The following COA1 variants were observed in gnomAD, a reference collection of about 807,000 sequenced individuals.
The protein encoded by COA1 is cytochrome c oxidase assembly factor 1 homolog.
Under a neutral mutation model 16.0 loss-of-function variants are expected in COA1, and 13 were observed. That is an observed-to-expected ratio of 0.81 (90% confidence interval 0.53 to 1.29). The LOEUF is 1.29. Among genes scored for constraint, COA1 ranks in the 50% most tolerant of loss-of-function variants. The probability of loss-of-function intolerance (pLI) is 0.00; values close to 1 mark genes in which losing one functional copy is unlikely to be tolerated. For synonymous variants in COA1, 65 were observed against 65.7 expected, an observed-to-expected ratio of 0.99 and a Z score of 0.05; for missense variants, 179 against 177.0, an observed-to-expected ratio of 1.01 and a Z score of -0.06.
At chr7:43,666,554 A>G (rs759256697) in intron 1 of COA1, among the ~76,000 whole-genome samples, 1 of 152,242 alleles carries the variant, frequency 6.6e-6, no homozygotes, top group Non-Finnish European at 1.5e-5. Context: ...AAGCACTTAA[A>G]TATTTTTTAG....
At chr7:43,650,689 C>T (rs1187817506) in intron 1 of COA1, 1 of 151,966 alleles carries the variant, frequency 6.6e-6, no homozygotes, top group Non-Finnish European at 1.5e-5. Flanking sequence ...GAGATTCTCT[C>T]GAGTGACTCG....
intron 4 of COA1, among the ~76,000 whole-genome samples, chr7:43,644,761 G>GATAGATGGATAGATAGATAGATA (rs59592633): frequency 1.1e-5 from 1 of 90,134 alleles, no homozygotes; most frequent in Non-Finnish European, 2.4e-5. Flanking sequence ...TAGATAGATA[G>GATAGATGGATAGATAGATAGATA]GCAGGCAGGC....
At chr7:43,625,567 C>CA (rs1563173425) in intron 6 of COA1, 1 of 152,274 alleles carries the variant, frequency 6.6e-6, no homozygotes, top group African/African-American at 2.4e-5. Flanking sequence ...ACACCACACT[C>CA]ACATGCATCT....
At chr7:43,716,410 T>C (rs1212438902) in intron 1 of COA1, among the ~76,000 whole-genome samples, 1 of 152,218 alleles carries the variant, frequency 6.6e-6, no homozygotes, top group Non-Finnish European at 1.5e-5. Context: ...TGTTATGTTT[T>C]AGCAAGAGAC....
intron 6 of COA1, chr7:43,609,766 C>A (rs1351333222): frequency 6.6e-6 from 1 of 152,224 alleles, no homozygotes; most frequent in South Asian, 2.1e-4. Context: ...AGGATGGTAA[C>A]CTGAGAAGGC....
chr7:43,614,245 C>G (rs1350874654), intron 6 of COA1, among the ~76,000 whole-genome samples: 1 of 152,140 alleles, frequency 6.6e-6, no homozygotes, highest in Non-Finnish European at 1.5e-5. Flanking sequence ...AAAAGACTTC[C>G]CTACAGCCAC....
intron 1 of COA1, among the ~76,000 whole-genome samples, chr7:43,689,112 C>G (rs1437949701): frequency 6.6e-6 from 1 of 152,176 alleles, no homozygotes; most frequent in African/African-American, 2.4e-5. Context: ...ATTCACACAA[C>G]CATCACCTTT....
intron 1 of COA1, among the ~76,000 whole-genome samples, chr7:43,713,159 C>T (rs890240540): frequency 6.6e-6 from 1 of 152,070 alleles, no homozygotes; most frequent in African/African-American, 2.4e-5. Context: ...GCCATGTTGC[C>T]CAGGCTGATC....
chr7:43,644,759 TAGGCAGGCAGGC>T (rs141430575), intron 4 of COA1, among the ~76,000 whole-genome samples: 7 of 114,612 alleles, frequency 6.1e-5, no homozygotes, highest in South Asian at 2.7e-4. Flanking sequence ...GATAGATAGA[TAGGCAGGCAGGC>T]AGGCAGGCAG....
chr7:43,646,180 T>A (rs2089253194), intron 3 of COA1: 2 of 172,144 alleles, frequency 1.2e-5, no homozygotes, highest in South Asian at 1.2e-4. Flanking sequence ...GACCTGACCC[T>A]GGAGAGGCCA....
chr7:43,719,865 A>G (rs2095471386), intron 1 of COA1, among the ~76,000 whole-genome samples: 1 of 152,220 alleles, frequency 6.6e-6, no homozygotes, highest in Non-Finnish European at 1.5e-5. Context: ...CACAGTGAAC[A>G]AGGGGAAACT....
chr7:43,611,618 G>A (rs953865421), intron 6 of COA1, among the ~76,000 whole-genome samples: 19 of 152,148 alleles, frequency 1.2e-4, no homozygotes, highest in South Asian at 4.1e-4. Flanking sequence ...TGCTTCCCTC[G>A]GGAACATTTA....
intron 2 of COA1, 47 bp downstream of exon 2, chr7:43,648,553 C>A (rs2090071080): frequency 6.2e-6 from 10 of 1,603,004 alleles, no homozygotes; most frequent in Non-Finnish European, 7.7e-6. Flanking sequence ...CTCGAGAATA[C>A]CCTGGCAGGT....
At chr7:43,693,615 A>G (rs2094441444) in intron 1 of COA1, among the ~76,000 whole-genome samples, 1 of 152,108 alleles carries the variant, frequency 6.6e-6, no homozygotes, top group Non-Finnish European at 1.5e-5. Context: ...CATAATTTTT[A>G]AAGTTCCATA....
intron 1 of COA1, among the ~76,000 whole-genome samples, chr7:43,684,159 T>G (rs1399337095): frequency 1.3e-5 from 2 of 152,148 alleles, no homozygotes; most frequent in African/African-American, 2.4e-5. Flanking sequence ...GGGATGGTTT[T>G]GGGATAAAAC....
chr7:43,644,799 C>CAGAGAGAGAGAGAGAGAGAGAG (rs10627279), intron 4 of COA1, among the ~76,000 whole-genome samples: 31 of 75,374 alleles, frequency 4.1e-4, no homozygotes, highest in Admixed American at 1.4e-3. Context: ...GGCAGAGAGA[C>CAGAGAGAGAGAGAGAGAGAGAG]AGAGAGAGAG....
intron 1 of COA1, among the ~76,000 whole-genome samples, chr7:43,711,670 T>G (rs2095253501): frequency 6.6e-6 from 1 of 152,230 alleles, no homozygotes; most frequent in African/African-American, 2.4e-5. Flanking sequence ...TGGTACAGCC[T>G]ACAACACACC....
chr7:43,722,387 G>A (rs113072237), intron 1 of COA1, among the ~76,000 whole-genome samples: 50 of 151,842 alleles, frequency 3.3e-4, no homozygotes, highest in African/African-American at 1.1e-3. Flanking sequence ...GAGCCACCAC[G>A]CCTGGCTAGG....
At chr7:43,691,365 GAGGGAGGGAGGGAGGA>G (rs1205781959) in intron 1 of COA1, among the ~76,000 whole-genome samples, 2,532 of 32,404 alleles carry the variant, frequency 0.078, 227 homozygotes, top group African/African-American at 0.18. Context: ...GGGAGGGAGG[GAGGGAGGGAGGGAGGA>G]AGGAAGGAAG....
Sources: gnomAD v4.1 joint callset for allele counts (sites outside exome capture counted in the v4.1 genomes callset) on GRCh38, gnomAD v4.1.1 for gene constraint, MANE v1.5 for transcripts, NCBI Gene and HGNC (gene_info 2026-07-23, HGNC 2026-07-21) for gene names.